PALM2AKAP2: variants seen among roughly 807,000 people sequenced by gnomAD.
PALM2AKAP2 encodes PALM2 and AKAP2 fusion.
In PALM2AKAP2, 37 loss-of-function variants were observed where a neutral mutation model predicts 71.5. The observed-to-expected ratio is 0.52, with a 90% CI of 0.40 to 0.68. PALM2AKAP2 has a LOEUF of 0.68. PALM2AKAP2 is among the 30% of genes least tolerant of loss of function. The probability of loss-of-function intolerance (pLI) is 0.00; values close to 1 mark genes in which losing one functional copy is unlikely to be tolerated. For synonymous variants in PALM2AKAP2, 468 were observed against 478.8 expected, an observed-to-expected ratio of 0.98 and a Z score of 0.29; for missense variants, 1,224 against 1,191.8, an observed-to-expected ratio of 1.03 and a Z score of -0.40.
chr9:109,696,551 C>A (rs1328448330), intron 1 of PALM2AKAP2, among the ~76,000 whole-genome samples: 1 of 152,140 alleles, frequency 6.6e-6, no homozygotes, highest in East Asian at 1.9e-4. Flanking sequence ...AAGTTTATAG[C>A]TTTTGACCTG....
At position 109,895,904 on chromosome 9, in the gene PALM2AKAP2, A is replaced by T. The variant is rs139663177; in HGVS notation, c.257+15223A>T. The stretch of plus-strand genomic sequence containing the variant: ...AGAAGCGCTGAGCATAAGGGGGGAA[A>T]ATCTCCTTGTGATTCATGCCTGTAA... On this transcript the variant is annotated intron_variant, in intron 3 of 9. Coordinates refer to the PALM2AKAP2 transcript ENST00000302798. 2.0e-5 allele frequency among the ~76,000 whole-genome samples: 3 copies of T among 152,194 alleles called. No homozygotes were observed. The East Asian group carries it at 5.8e-4, about 29-fold the overall frequency.
At chr9:110,070,031 G>A (rs1834169303) in intron 1 of PALM2AKAP2, among the ~76,000 whole-genome samples, 1 of 152,176 alleles carries the variant, frequency 6.6e-6, no homozygotes, top group African/African-American at 2.4e-5. Context: ...GAAGAGGGTT[G>A]GCGGCCATCC....
At chr9:109,687,071 A>C (rs896867551) in intron 1 of PALM2AKAP2, among the ~76,000 whole-genome samples, 7 of 152,072 alleles carry the variant, frequency 4.6e-5, no homozygotes, top group Admixed American at 1.3e-4. Context: ...TTAATCCAGT[A>C]TATCATTGTT....
At chr9:109,702,592 TG>T (rs1828078625) in intron 1 of PALM2AKAP2, among the ~76,000 whole-genome samples, 1 of 54,562 alleles carries the variant, frequency 1.8e-5, no homozygotes, top group Non-Finnish European at 3.6e-5. Context: ...GGGCCTGTTG[TG>T]GGGGTGGGGG....
At chr9:110,123,754 TC>T (rs1835539054) in intron 1 of PALM2AKAP2, among the ~76,000 whole-genome samples, 5 of 152,222 alleles carry the variant, frequency 3.3e-5, no homozygotes, top group Admixed American at 6.5e-5. Context: ...AAACAAATCT[TC>T]CCATGGGTGT....
At position 110,015,935 on chromosome 9, in the gene PALM2AKAP2, C is replaced by G. The variant is rs1400079547; in HGVS notation, c.497-19C>G. The stretch of plus-strand genomic sequence containing the variant: ...GCTGAATGACTTGGCTCAAATGGCA[C>G]TTCTTTTTTTTCTTTCAGGAGTCGG... On this transcript the variant is annotated intron_variant, in intron 6 of 9. Transcript: ENST00000302798. The G allele has an allele frequency of 6.2e-7, 1 of 1,610,788 alleles. No homozygotes were observed. Among genetic ancestry groups the G allele is most frequent in the South Asian group, 1.1e-5 (1 of 90,578 alleles).
chr9:109,852,984 T>G (rs1829062152), intron 1 of PALM2AKAP2, among the ~76,000 whole-genome samples: 1 of 152,182 alleles, frequency 6.6e-6, no homozygotes, highest in African/African-American at 2.4e-5. Flanking sequence ...GTTGTCTGTT[T>G]ACTCTGTTGG....
intron 1 of PALM2AKAP2, among the ~76,000 whole-genome samples, chr9:110,103,502 C>A (rs936030881): frequency 1.3e-5 from 2 of 152,164 alleles, no homozygotes; most frequent in African/African-American, 4.8e-5. Context: ...CACTTTTAGG[C>A]CATTCTTAGT....
At chr9:110,058,991 C>T (rs1330670549) in intron 1 of PALM2AKAP2, among the ~76,000 whole-genome samples, 3 of 151,558 alleles carry the variant, frequency 2.0e-5, no homozygotes, top group African/African-American at 7.3e-5. Context: ...CCTCCGCCCC[C>T]TGGGTTCAAG....
chr9:109,872,082 G>T (rs1829613954), intron 2 of PALM2AKAP2, among the ~76,000 whole-genome samples: 1 of 151,916 alleles, frequency 6.6e-6, no homozygotes, highest in African/African-American at 2.4e-5. Context: ...ACCATTTATG[G>T]ATTATTTTTA....
intron 2 of PALM2AKAP2, among the ~76,000 whole-genome samples, chr9:109,868,986 TC>T (rs1164636573): frequency 1.3e-5 from 2 of 152,190 alleles, no homozygotes; most frequent in African/African-American, 4.8e-5. Flanking sequence ...GGTCTCTGGC[TC>T]AGAGTACAGT....
chr9:109,717,699 G>A (rs1169052943), intron 1 of PALM2AKAP2, among the ~76,000 whole-genome samples: 2 of 152,238 alleles, frequency 1.3e-5, no homozygotes, highest in African/African-American at 4.8e-5. Flanking sequence ...AGCCCAGCAG[G>A]AGCCTGTCCT....
At chr9:110,092,551 G>C (rs1264969401) in intron 1 of PALM2AKAP2, among the ~76,000 whole-genome samples, 1 of 152,068 alleles carries the variant, frequency 6.6e-6, no homozygotes, top group Admixed American at 6.5e-5. Context: ...TTGCACTTTA[G>C]ATTTTTTTTT....
At chr9:109,889,179 GTC>G (rs1830033061) in intron 3 of PALM2AKAP2, among the ~76,000 whole-genome samples, 1 of 152,226 alleles carries the variant, frequency 6.6e-6, no homozygotes, top group African/African-American at 2.4e-5. Flanking sequence ...AGCCATGAAA[GTC>G]TGTTCAGAGT....
chr9:109,653,276 A>C (rs1827251218), intron 1 of PALM2AKAP2, among the ~76,000 whole-genome samples: 1 of 152,152 alleles, frequency 6.6e-6, no homozygotes, highest in African/African-American at 2.4e-5. Flanking sequence ...CAACACAAAA[A>C]CCAAAACAGA....
intron 1 of PALM2AKAP2, among the ~76,000 whole-genome samples, chr9:109,661,707 A>G (rs1286571993): frequency 6.6e-6 from 1 of 152,178 alleles, no homozygotes; most frequent in African/African-American, 2.4e-5. Flanking sequence ...GAAGAAAGTC[A>G]TTGGTAGCTT....
chr9:109,832,886 C>T (rs1157013624), intron 1 of PALM2AKAP2, among the ~76,000 whole-genome samples: 1 of 152,228 alleles, frequency 6.6e-6, no homozygotes, highest in African/African-American at 2.4e-5. Flanking sequence ...ACACTTCGGG[C>T]ACTAACTCGT....
chr9:110,124,688 T>G (rs1475615792), intron 1 of PALM2AKAP2, among the ~76,000 whole-genome samples: 1 of 152,186 alleles, frequency 6.6e-6, no homozygotes, highest in Non-Finnish European at 1.5e-5. Context: ...TCTGTTTTCT[T>G]GATGGCAGAG....
chr9:109,989,501 T>G (rs934630109), intron 6 of PALM2AKAP2, among the ~76,000 whole-genome samples: 1 of 152,270 alleles, frequency 6.6e-6, no homozygotes, highest in Non-Finnish European at 1.5e-5. Flanking sequence ...AAATTCCATT[T>G]GCCTGGAACA....
Sources: allele counts gnomAD v4.1 joint callset (sites outside exome capture counted in the v4.1 genomes callset), GRCh38; gene constraint gnomAD v4.1.1; transcripts MANE v1.5; gene names NCBI Gene and HGNC (gene_info 2026-07-23, HGNC 2026-07-21).